Variants in PLEKHS1 observed in about 807,000 individuals in gnomAD.
PLEKHS1 encodes pleckstrin homology domain-containing family S member 1.
In PLEKHS1, 55 loss-of-function variants were observed where a neutral mutation model predicts 51.0. The ratio of observed to expected loss-of-function variants is 1.08; its 90% CI spans 0.87 to 1.35. The LOEUF (loss-of-function observed/expected upper bound fraction) is 1.35, where lower values mean the gene tolerates loss of function less well. PLEKHS1 is among the 40% of genes most tolerant of loss of function. The pLI is 0.00. For synonymous variants in PLEKHS1, 153 were observed against 144.8 expected, an observed-to-expected ratio of 1.06 and a Z score of -0.41; for missense variants, 398 against 423.0, an observed-to-expected ratio of 0.94 and a Z score of 0.52.
chr10:113,753,866 A>G (rs769151270), intron 1 of PLEKHS1, among the ~76,000 whole-genome samples: 27 of 151,370 alleles, frequency 1.8e-4, no homozygotes, highest in Non-Finnish European at 2.8e-4. Context: ...GCTGGAGTGC[A>G]GTAATGTGAT....
intron 2 of PLEKHS1, among the ~76,000 whole-genome samples, chr10:113,764,255 C>T (rs1564819523): frequency 6.6e-6 from 1 of 152,106 alleles, no homozygotes; most frequent in East Asian, 1.9e-4. Flanking sequence ...CTTGCACCAC[C>T]ATGCCCGGCT....
chr10:113,768,536 G>A (rs2134529595), intron 5 of PLEKHS1, among the ~76,000 whole-genome samples: 1 of 152,146 alleles, frequency 6.6e-6, no homozygotes, highest in Non-Finnish European at 1.5e-5. Flanking sequence ...GAACACAAAG[G>A]AAATCAATGT....
chr10:113,757,778 A>G (rs1017426110), intron 2 of PLEKHS1, among the ~76,000 whole-genome samples: 1 of 152,274 alleles, frequency 6.6e-6, no homozygotes, highest in Non-Finnish European at 1.5e-5. Flanking sequence ...AATTGAAATC[A>G]ATCCTCTCAA....
At chr10:113,782,108 G>A (rs767942016) in exon 12 of PLEKHS1, 1 of 152,186 alleles carries the variant, frequency 6.6e-6, no homozygotes, top group Non-Finnish European at 1.5e-5. Flanking sequence ...AACAAAGGCA[G>A]AGAGCTAAAG....
intron 2 of PLEKHS1, among the ~76,000 whole-genome samples, chr10:113,762,950 A>G (rs937452892): frequency 6.6e-6 from 1 of 152,112 alleles, no homozygotes; most frequent in South Asian, 2.1e-4. Flanking sequence ...GAAAACTCTT[A>G]GCAAACTTAT....
At chr10:113,755,789 T>C (rs1564815152) in intron 2 of PLEKHS1, among the ~76,000 whole-genome samples, 1 of 152,208 alleles carries the variant, frequency 6.6e-6, no homozygotes, top group Admixed American at 6.5e-5. Context: ...TTGGATTCAA[T>C]TAATTATTGT....
chr10:113,759,397 C>T (rs1329688963), intron 2 of PLEKHS1, among the ~76,000 whole-genome samples: 1 of 152,200 alleles, frequency 6.6e-6, no homozygotes, highest in Non-Finnish European at 1.5e-5. Context: ...TAAACACACT[C>T]ATCACTCTTG....
chr10:113,755,182 C>T, intron 1 of PLEKHS1, 77 bp from the exon 2 acceptor site: 2 of 1,483,314 alleles, frequency 1.3e-6, no homozygotes, highest in Middle Eastern at 1.8e-4. Flanking sequence ...TCCTGATACT[C>T]ACTGACCAGC....
exon 8 of PLEKHS1, chr10:113,772,005 A>G: frequency 6.2e-7 from 1 of 1,613,568 alleles, no homozygotes; most frequent in Non-Finnish European, 8.5e-7. Flanking sequence ...GATTTAGGCA[A>G]ACTCACCTAC....
At chr10:113,775,082 G>T (rs1399753041) in intron 10 of PLEKHS1, 47 bp downstream of exon 10, 2 of 1,486,192 alleles carry the variant, frequency 1.3e-6, no homozygotes, top group Non-Finnish European at 1.8e-6. Context: ...GAGCAAGGCA[G>T]CCTCCCTCCC....
At chr10:113,755,069 G>A (rs927541687) in intron 1 of PLEKHS1, among the ~76,000 whole-genome samples, 190 bp from the exon 2 acceptor site, 1 of 152,132 alleles carries the variant, frequency 6.6e-6, no homozygotes, top group African/African-American at 2.4e-5. Context: ...ATGTGTCCCC[G>A]TTACTGCAGC....
chr10:113,764,800 G>A (rs979246132), intron 2 of PLEKHS1: 2 of 152,340 alleles, frequency 1.3e-5, no homozygotes, highest in African/African-American at 4.8e-5. Context: ...CTTTGTTTAT[G>A]TTGTTAGTTA....
intron 9 of PLEKHS1, 75 bp downstream of exon 9, chr10:113,774,408 C>A: frequency 4.6e-6 from 4 of 875,018 alleles, no homozygotes; most frequent in Non-Finnish European, 5.4e-6. Context: ...CAGTTCATTT[C>A]AATAGTTGAT....
At chr10:113,780,879 C>A in exon 12 of PLEKHS1, 4 of 1,141,660 alleles carry the variant, frequency 3.5e-6, no homozygotes, top group Non-Finnish European at 4.8e-6. Flanking sequence ...TCGGCACCCC[C>A]CTCTGAATTT....
chr10:113,769,017 A>AAT, intron 6 of PLEKHS1, 127 bp downstream of exon 6: 1 of 595,814 alleles, frequency 1.7e-6, no homozygotes, highest in South Asian at 3.2e-5. Flanking sequence ...TAAATGAGAA[A>AAT]ATGTACATCC....
rs564525826 is a variant in PLEKHS1 at position 113,759,915 on chromosome 10, T to A, written c.28+4610T>A. ...GCTGACATGTTTAAAGTCTACAATT[T>A]AATAAGTTTTGGCAAATGTACACAG... On this transcript the variant is annotated intron_variant, in intron 2 of 11. Coordinates refer to ENST00000361048, the Ensembl canonical transcript of PLEKHS1. Among the ~76,000 whole-genome samples the A allele has an allele frequency of 2.5e-4, 38 of 152,330 alleles. No individual in the cohort carries two copies. In the East Asian group the frequency reaches 7.1e-3, roughly 29 times the overall value.
chr10:113,762,464 A>G (rs1296427157), intron 2 of PLEKHS1, among the ~76,000 whole-genome samples: 2 of 140,278 alleles, frequency 1.4e-5, no homozygotes, highest in East Asian at 2.1e-4. Flanking sequence ...AAACATGGCC[A>G]TTTCTAACAT....
At chr10:113,766,262 C>A (rs1272748788) in intron 2 of PLEKHS1, 149 bp from the exon 3 acceptor site, 1 of 590,176 alleles carries the variant, frequency 1.7e-6, no homozygotes, top group Non-Finnish European at 3.0e-6. Context: ...ACATTTGGTC[C>A]TTTGTTTTCT....
intron 11 of PLEKHS1, 189 bp downstream of exon 12, chr10:113,777,448 A>G (rs776784929): frequency 6.2e-7 from 1 of 1,603,814 alleles, no homozygotes; most frequent in Non-Finnish European, 8.5e-7. Flanking sequence ...TAGCATTTGG[A>G]GAAGGCACTG....
Sources: gnomAD v4.1 joint callset for allele counts (sites outside exome capture counted in the v4.1 genomes callset) on GRCh38, gnomAD v4.1.1 for gene constraint, MANE v1.5 for transcripts, NCBI Gene and HGNC (gene_info 2026-07-23, HGNC 2026-07-21) for gene names.